CSMD3: variants seen among roughly 807,000 people sequenced by gnomAD.
CSMD3 encodes CUB and sushi domain-containing protein 3.
CSMD3 carries 177 observed loss-of-function variants against 435.2 expected under a neutral mutation model. The observed-to-expected ratio is 0.41, with a 90% CI of 0.36 to 0.46. The LOEUF is 0.46. CSMD3 is among the 20% of genes least tolerant of loss of function. The pLI, the probability that CSMD3 is intolerant of heterozygous loss-of-function variation, is 0.34. For missense variants in CSMD3, 4,265 were observed against 4,504.6 expected (o/e 0.95, Z 1.52); for synonymous variants, 1,656 against 1,520.5 (o/e 1.09, Z -2.07).
chr8:112,569,347 T>G (rs1191048744), intron 24 of CSMD3, among the ~76,000 whole-genome samples: 1 of 152,132 alleles, frequency 6.6e-6, no homozygotes, highest in African/African-American at 2.4e-5. Flanking sequence ...TTCTCACTCT[T>G]CACTTTTTCT....
intron 1 of CSMD3, among the ~76,000 whole-genome samples, chr8:113,358,924 C>T (rs1202584769): frequency 6.6e-6 from 1 of 151,724 alleles, no homozygotes; most frequent in African/African-American, 2.4e-5. Context: ...TTGATGATGG[C>T]AATTTTGTGC....
intron 32 of CSMD3, among the ~76,000 whole-genome samples, chr8:112,411,990 A>G (rs1452795109): frequency 6.6e-6 from 1 of 152,094 alleles, no homozygotes; most frequent in Non-Finnish European, 1.5e-5. Context: ...CCCAGTGAAC[A>G]GATTTATTTT....
intron 10 of CSMD3, among the ~76,000 whole-genome samples, chr8:112,908,627 A>G (rs746550864): frequency 6.6e-6 from 1 of 151,590 alleles, no homozygotes. Flanking sequence ...CAGTATTGTT[A>G]TTACTTCCTG....
intron 29 of CSMD3, among the ~76,000 whole-genome samples, chr8:112,505,108 T>A (rs912048365): frequency 6.6e-6 from 1 of 152,126 alleles, no homozygotes; most frequent in Non-Finnish European, 1.5e-5. Flanking sequence ...AGCTGCTCAG[T>A]TTACTTGTGC....
At chr8:113,304,202 A>G (rs946830296) in intron 2 of CSMD3, among the ~76,000 whole-genome samples, 1 of 94,654 alleles carries the variant, frequency 1.1e-5, no homozygotes, top group Non-Finnish European at 2.0e-5. Flanking sequence ...TGCAAATCAA[A>G]ACCACTATGA....
chr8:113,114,249 G>C (rs902215085), intron 4 of CSMD3, among the ~76,000 whole-genome samples: 9 of 152,198 alleles, frequency 5.9e-5, no homozygotes, highest in Admixed American at 5.9e-4. Context: ...AGCCACTGCT[G>C]AACTTAGGAA....
At chr8:112,684,523 A>C (rs2075970192) in intron 15 of CSMD3, among the ~76,000 whole-genome samples, 1 of 152,148 alleles carries the variant, frequency 6.6e-6, no homozygotes, top group Admixed American at 6.6e-5. Flanking sequence ...TATCTGACAC[A>C]GTGTAAAAGC....
At chr8:112,820,660 A>G (rs1041990465) in intron 12 of CSMD3, among the ~76,000 whole-genome samples, 13 of 148,970 alleles carry the variant, frequency 8.7e-5, no homozygotes, top group Non-Finnish European at 1.9e-4. Context: ...TTTTTTTTTA[A>G]CTTGAAGTTC....
intron 35 of CSMD3, among the ~76,000 whole-genome samples, chr8:112,404,410 A>T (rs1563902766): frequency 6.6e-6 from 1 of 151,938 alleles, no homozygotes; most frequent in Non-Finnish European, 1.5e-5. Context: ...GGTGCCTGTA[A>T]TCCCAGATAC....
At chr8:112,614,194 C>T (rs1445020606) in intron 22 of CSMD3, among the ~76,000 whole-genome samples, 1 of 152,072 alleles carries the variant, frequency 6.6e-6, no homozygotes, top group Admixed American at 6.6e-5. Context: ...TGTGCTTGGC[C>T]TATTGGGGGA....
At chr8:112,445,841 A>G (rs1815540757) in intron 32 of CSMD3, among the ~76,000 whole-genome samples, 1 of 152,224 alleles carries the variant, frequency 6.6e-6, no homozygotes, top group South Asian at 2.1e-4. Flanking sequence ...TTCATAATCT[A>G]GTGCCTACTA....
At chr8:112,907,099 G>A (rs1211402661) in intron 10 of CSMD3, among the ~76,000 whole-genome samples, 1 of 151,482 alleles carries the variant, frequency 6.6e-6, no homozygotes, top group Admixed American at 6.6e-5. Flanking sequence ...ACTCAGAAAA[G>A]ACAAATCAGA....
At chr8:113,287,147 C>T (rs1165091010) in intron 2 of CSMD3, among the ~76,000 whole-genome samples, 4 of 151,916 alleles carry the variant, frequency 2.6e-5, no homozygotes, top group Non-Finnish European at 2.9e-5. Context: ...TTTTGCTGCA[C>T]CCTGTACTGC....
intron 13 of CSMD3, among the ~76,000 whole-genome samples, chr8:112,721,713 GAGAAA>G (rs1256877412): frequency 2.0e-5 from 3 of 152,098 alleles, no homozygotes; most frequent in Non-Finnish European, 2.9e-5. Flanking sequence ...TTTGATAGTA[GAGAAA>G]AGAAACATCG....
intron 13 of CSMD3, among the ~76,000 whole-genome samples, chr8:112,716,184 T>C (rs377561288): frequency 1.8e-4 from 27 of 152,300 alleles, no homozygotes; most frequent in African/African-American, 6.5e-4. Flanking sequence ...CTCCATTGTC[T>C]CAGCCCAAAA....
intron 4 of CSMD3, among the ~76,000 whole-genome samples, chr8:113,115,349 T>C (rs562204473): frequency 6.6e-6 from 1 of 152,328 alleles, no homozygotes; most frequent in African/African-American, 2.4e-5. Flanking sequence ...TCTAAGTGAA[T>C]AGCTTGATGA....
At chr8:113,328,361 C>G (rs1303323618) in intron 1 of CSMD3, among the ~76,000 whole-genome samples, 1 of 148,572 alleles carries the variant, frequency 6.7e-6, no homozygotes, top group African/African-American at 2.5e-5. Context: ...TGGCGTGAAT[C>G]CGGGAGGCGG....
chr8:112,977,343 G>A (rs961385450), intron 6 of CSMD3, among the ~76,000 whole-genome samples: 7 of 151,660 alleles, frequency 4.6e-5, no homozygotes, highest in African/African-American at 1.7e-4. Flanking sequence ...ACTTTTCTTC[G>A]CAACATTTCA....
At chr8:113,430,600 C>A (rs1035292869) in intron 1 of CSMD3, among the ~76,000 whole-genome samples, 1 of 152,046 alleles carries the variant, frequency 6.6e-6, no homozygotes, top group African/African-American at 2.4e-5. Context: ...ATTCAACAGA[C>A]CTTATCTGGG....
Sources: allele counts gnomAD v4.1 joint callset (sites outside exome capture counted in the v4.1 genomes callset), GRCh38; gene constraint gnomAD v4.1.1; transcripts MANE v1.5; gene names NCBI Gene and HGNC (gene_info 2026-07-23, HGNC 2026-07-21).